Variants in PCBP3 observed in about 807,000 individuals in gnomAD.
PCBP3 encodes the protein poly(rC)-binding protein 3.
PCBP3 carries 25 observed loss-of-function variants against 52.7 expected under a neutral mutation model. The ratio of observed to expected loss-of-function variants is 0.47; its 90% CI spans 0.35 to 0.66. The LOEUF (loss-of-function observed/expected upper bound fraction) is 0.66, where lower values mean the gene tolerates loss of function less well. Among genes scored for constraint, PCBP3 ranks in the 30% least tolerant of loss-of-function variants. PCBP3 has a pLI of 0.01. For missense variants in PCBP3, 391 were observed against 490.3 expected (o/e 0.80, Z 1.91); for synonymous variants, 162 against 183.0 (o/e 0.89, Z 0.93).
chr21:45,868,803 C>T (rs138656675), intron 5 of PCBP3, among the ~76,000 whole-genome samples: 1 of 152,336 alleles, frequency 6.6e-6, no homozygotes, highest in Non-Finnish European at 1.5e-5. Context: ...GGAGCCATGG[C>T]GGACGTCCTC....
chr21:45,778,296 C>A (rs1374620518), intron 4 of PCBP3, among the ~76,000 whole-genome samples: 1 of 152,070 alleles, frequency 6.6e-6, no homozygotes, highest in African/African-American at 2.4e-5. Flanking sequence ...GACTTAAGGC[C>A]CCACTAGAGG....
intron 4 of PCBP3, among the ~76,000 whole-genome samples, chr21:45,823,249 C>T (rs1394626250): frequency 3.3e-5 from 5 of 152,172 alleles, no homozygotes; most frequent in East Asian, 1.9e-4. Context: ...CCCTGCATGT[C>T]GTCCTCCCCA....
chr21:45,773,900 A>G (rs1018712517), intron 4 of PCBP3, among the ~76,000 whole-genome samples: 3 of 152,098 alleles, frequency 2.0e-5, no homozygotes, highest in Admixed American at 6.5e-5. Context: ...GTCATCTTCA[A>G]TTTCTTTCAT....
At chr21:45,654,553 A>T (rs955817687) in intron 1 of PCBP3, among the ~76,000 whole-genome samples, 1 of 151,976 alleles carries the variant, frequency 6.6e-6, no homozygotes, top group African/African-American at 2.4e-5. Context: ...GTTGGCTAGG[A>T]TGGTCTCAAT....
intron 15 of PCBP3, among the ~76,000 whole-genome samples, chr21:45,934,915 C>T (rs1180389304): frequency 6.6e-6 from 1 of 152,222 alleles, no homozygotes; most frequent in Non-Finnish European, 1.5e-5. Flanking sequence ...CCCTGCCCTT[C>T]AGCCAGGGGC....
chr21:45,892,479 G>GGCGTGGGGGGGGC, intron 5 of PCBP3, among the ~76,000 whole-genome samples: 1 of 137,264 alleles, frequency 7.3e-6, no homozygotes, highest in Non-Finnish European at 1.6e-5. Context: ...GTGGGGGGGG[G>GGCGTGGGGGGGGC]GGCGGTCCCG....
At chr21:45,753,989 G>C (rs1255809320) in intron 3 of PCBP3, among the ~76,000 whole-genome samples, 1 of 152,100 alleles carries the variant, frequency 6.6e-6, no homozygotes, top group East Asian at 1.9e-4. Context: ...AAAATGCATC[G>C]TGGTGAGAAT....
rs556644562 is a variant in PCBP3, at chr21:45,734,982, T to G, written c.-199-410T>G. 5.3e-5 allele frequency among the ~76,000 whole-genome samples: 8 copies of G among 152,340 alleles called. No homozygotes were observed. In the South Asian group the frequency reaches 1.7e-3, roughly 32 times the overall value. On this transcript the variant is annotated intron_variant, in intron 2 of 17. Transcript: ENST00000681687. ...TGGCCTGTGGTCCAGGTGAAGGCCC[T>G]TCAGGGTGGAGCCGAGACTGTGGGT...
In PCBP3 at chr21:45,724,116, T is replaced by A. The variant is rs937921769; in HGVS notation, c.-199-11276T>A. On this transcript the variant is annotated intron_variant, in intron 2 of 17. Transcript: ENST00000681687. This position sits in a 1 kb window ranked among gnomAD's most constrained non-coding sequence, Gnocchi z 5.3. ...ATCTGGAGAAATTCAGAGTCAAGGCTGTCCCCCTCCTGAAGTCAGATCCTT... is the reference window on the plus strand; with the variant it reads ...ATCTGGAGAAATTCAGAGTCAAGGCAGTCCCCCTCCTGAAGTCAGATCCTT... 2.0e-5 allele frequency among the ~76,000 whole-genome samples: 3 copies of A among 152,224 alleles called. No individual in the cohort carries two copies. The highest frequency in any genetic ancestry group is 4.8e-5 in the African/African-American group (2 of 41,452).
At chr21:45,767,560 C>T (rs1023676038) in intron 4 of PCBP3, among the ~76,000 whole-genome samples, 5 of 152,174 alleles carry the variant, frequency 3.3e-5, no homozygotes, top group Admixed American at 2.0e-4. Context: ...CTGGGGGACA[C>T]GTAGAGACTC....
intron 4 of PCBP3, among the ~76,000 whole-genome samples, chr21:45,778,249 T>G (rs2090393714): frequency 6.6e-6 from 1 of 152,192 alleles, no homozygotes; most frequent in African/African-American, 2.4e-5. Context: ...GGAGCTGTGC[T>G]GAAGTTGTGC....
At chr21:45,804,017 G>A (rs1341024677) in intron 4 of PCBP3, among the ~76,000 whole-genome samples, 1 of 152,230 alleles carries the variant, frequency 6.6e-6, no homozygotes, top group East Asian at 1.9e-4. Flanking sequence ...GACATCTGTG[G>A]TGCTTCTCTT....
Position 45,901,059 on chromosome 21 carries a change from C to T in PCBP3, c.285C>T (p.Gly95=). 3.1e-6 allele frequency: 5 copies of T among 1,614,000 alleles called. No homozygotes were observed. The highest frequency in any genetic ancestry group is 3.4e-6 in the Non-Finnish European group (4 of 1,179,890). Residue 95 remains glycine, a synonymous_variant, in exon 9 of 18, where the codon GGC becomes GGT. Coordinates refer to ENST00000681687, the MANE Select transcript of PCBP3 (RefSeq NM_001384156.1). ...CAGAGAGGATTGTGACCATCACAGG[C>T]CCCACAGACGCCATCTTCAAGGCCT... ...NCPERIVTIT[G]PTDAIFKAFA... is the part of the protein sequence containing the mutation.
At chr21:45,814,795 AGTG>A in intron 4 of PCBP3, among the ~76,000 whole-genome samples, 1 of 107,246 alleles carries the variant, frequency 9.3e-6, no homozygotes, top group East Asian at 3.4e-4. Flanking sequence ...GTGGTGAGTG[AGTG>A]GTGAGTGGTG....
In PCBP3 at chr21:45,675,147, TGAG is replaced by T. The variant is rs1294532832; in HGVS notation, c.-200+6199_-200+6201del. Among the ~76,000 whole-genome samples the T allele has an allele frequency of 2.0e-5, 3 of 152,198 alleles. No homozygotes were observed. The South Asian group carries it at 6.2e-4, about 32-fold the overall frequency. ...AGGTCCTGTGCTTTGCAGGACTTAC[TGAG>T]GAGACTTTGACCCTGGTCTTCCTTC... On this transcript the variant is annotated intron_variant, in intron 2 of 17. Coordinates refer to ENST00000681687, the MANE Select transcript of PCBP3 (RefSeq NM_001384156.1).
chr21:45,657,914 G>A (rs951727377), intron 1 of PCBP3, among the ~76,000 whole-genome samples: 1 of 152,104 alleles, frequency 6.6e-6, no homozygotes, highest in Non-Finnish European at 1.5e-5. Flanking sequence ...TTTTTCTCAT[G>A]TAATTGCCCT....
chr21:45,903,326 AGGG>A (rs2096115449), intron 9 of PCBP3, among the ~76,000 whole-genome samples: 1 of 152,188 alleles, frequency 6.6e-6, no homozygotes, highest in South Asian at 2.1e-4. Flanking sequence ...TGAATGACCT[AGGG>A]ACCGATCAGT....
intron 2 of PCBP3, among the ~76,000 whole-genome samples, chr21:45,712,218 C>T (rs899390767): frequency 2.0e-5 from 3 of 152,154 alleles, no homozygotes; most frequent in African/African-American, 7.2e-5. Context: ...CATTTGTGTG[C>T]AGGTTTTTGT....
chr21:45,912,226 G>T (rs949340689), intron 11 of PCBP3, among the ~76,000 whole-genome samples: 1 of 152,212 alleles, frequency 6.6e-6, no homozygotes, highest in African/African-American at 2.4e-5. Flanking sequence ...TCCTGGGCAG[G>T]GAGGTTTGAG....
Sources: gnomAD v4.1 joint callset for allele counts (sites outside exome capture counted in the v4.1 genomes callset) on GRCh38, gnomAD v4.1.1 for gene constraint, Gnocchi (gnomAD v3.1) non-coding constraint, MANE v1.5 for transcripts, NCBI Gene and HGNC (gene_info 2026-07-23, HGNC 2026-07-21) for gene names.